ZNF521: variants seen among roughly 807,000 people sequenced by gnomAD.
The protein encoded by ZNF521 is zinc finger protein 521, also known as LYST-interacting protein 3.
A neutral mutation model predicts 105.5 loss-of-function variants in ZNF521; 14 were observed. The observed-to-expected ratio is 0.13, with a 90% CI of 0.09 to 0.21. The LOEUF (loss-of-function observed/expected upper bound fraction) is 0.21, where lower values mean the gene tolerates loss of function less well. Among genes scored for constraint, ZNF521 ranks in the 10% least tolerant of loss-of-function variants. The pLI is 1.00. For missense variants in ZNF521, 1,233 were observed against 1,629.7 expected (o/e 0.76, Z 4.19); for synonymous variants, 635 against 606.0 (o/e 1.05, Z -0.70).
chr18:25,286,264 C>G (rs1910701945), intron 3 of ZNF521, among the ~76,000 whole-genome samples: 1 of 152,182 alleles, frequency 6.6e-6, no homozygotes, highest in Non-Finnish European at 1.5e-5. Context: ...AAAACATTTT[C>G]AGCAGAAGAG....
chr18:25,118,615 C>T (rs1005944552), intron 5 of ZNF521, among the ~76,000 whole-genome samples: 26 of 151,764 alleles, frequency 1.7e-4, no homozygotes, highest in African/African-American at 6.0e-4. Flanking sequence ...ATCCCTACAA[C>T]AACCACTAAA....
At chr18:25,162,689 T>C (rs1400872875) in intron 5 of ZNF521, among the ~76,000 whole-genome samples, 2 of 152,222 alleles carry the variant, frequency 1.3e-5, no homozygotes, top group Non-Finnish European at 2.9e-5. Flanking sequence ...ACAAAATTCA[T>C]ATCCAACTCA....
At chr18:25,163,300 C>T (rs1319008287) in intron 5 of ZNF521, among the ~76,000 whole-genome samples, 1 of 152,168 alleles carries the variant, frequency 6.6e-6, no homozygotes, top group African/African-American at 2.4e-5. Flanking sequence ...GCTATCTCAA[C>T]CACACAGATA....
At chr18:25,135,472 A>C (rs555315956) in intron 5 of ZNF521, among the ~76,000 whole-genome samples, 1 of 152,074 alleles carries the variant, frequency 6.6e-6, no homozygotes, top group Non-Finnish European at 1.5e-5. Flanking sequence ...GGTTTGCTAC[A>C]CAAGCCACAG....
At chr18:25,307,994 G>C (rs1020173030) in intron 3 of ZNF521, among the ~76,000 whole-genome samples, 1 of 151,968 alleles carries the variant, frequency 6.6e-6, no homozygotes, top group African/African-American at 2.4e-5. Context: ...CTGAGGTCAA[G>C]AGTTCAAGAC....
At chr18:25,282,020 C>T (rs568804320) in intron 3 of ZNF521, among the ~76,000 whole-genome samples, 1 of 152,080 alleles carries the variant, frequency 6.6e-6, no homozygotes, top group East Asian at 1.9e-4. Flanking sequence ...CTTGAAAATA[C>T]TCTTTGCACC....
intron 3 of ZNF521, among the ~76,000 whole-genome samples, chr18:25,241,349 T>C (rs1015415487): frequency 3.3e-5 from 5 of 152,202 alleles, no homozygotes; most frequent in Non-Finnish European, 5.9e-5. Flanking sequence ...TTGAAAACTG[T>C]AGGCAGGAGA....
At chr18:25,123,162 T>C (rs4408614) in intron 5 of ZNF521, among the ~76,000 whole-genome samples, 39,837 of 151,420 alleles carry the variant, frequency 0.26, 6,371 homozygotes, top group Non-Finnish European at 0.35. Context: ...CATTTGTAAG[T>C]ACAGATAATT....
intron 5 of ZNF521, among the ~76,000 whole-genome samples, 165 bp downstream of exon 5, chr18:25,194,995 G>A (rs554465907): frequency 6.6e-6 from 1 of 151,380 alleles, no homozygotes; most frequent in Non-Finnish European, 1.5e-5. Flanking sequence ...AATAAAATGT[G>A]CTAACACCTT....
chr18:25,167,401 C>T (rs761428850), intron 5 of ZNF521, among the ~76,000 whole-genome samples: 1 of 152,126 alleles, frequency 6.6e-6, no homozygotes, highest in African/African-American at 2.4e-5. Flanking sequence ...AGGTAAAATA[C>T]TCCAAAATGA....
At chr18:25,133,682 C>T (rs2034680560) in intron 5 of ZNF521, among the ~76,000 whole-genome samples, 1 of 152,136 alleles carries the variant, frequency 6.6e-6, no homozygotes, top group East Asian at 1.9e-4. Flanking sequence ...CCTCCTGTTA[C>T]CAAATCAACT....
chr18:25,192,510 A>G (rs73407169), intron 5 of ZNF521, among the ~76,000 whole-genome samples: 9,529 of 152,224 alleles, frequency 0.063, 720 homozygotes, highest in African/African-American at 0.18. Context: ...TCATTGGGTC[A>G]TCTGTAGATC....
chr18:25,189,827 G>T (rs762408481), intron 5 of ZNF521, among the ~76,000 whole-genome samples: 14 of 152,212 alleles, frequency 9.2e-5, no homozygotes, highest in Non-Finnish European at 1.5e-4. Flanking sequence ...CATTTGAAAT[G>T]CTTTGGTGTT....
At chr18:25,081,303 A>T (rs577858496) in intron 7 of ZNF521, among the ~76,000 whole-genome samples, 1 of 152,326 alleles carries the variant, frequency 6.6e-6, no homozygotes, top group African/African-American at 2.4e-5. Context: ...CTGTTGGAGG[A>T]GGGAGCGAGT....
At chr18:25,331,655 A>T (rs1913573417) in intron 2 of ZNF521, among the ~76,000 whole-genome samples, 1 of 152,222 alleles carries the variant, frequency 6.6e-6, no homozygotes, top group African/African-American at 2.4e-5. Flanking sequence ...CATTTTAGAC[A>T]GTGCCAGTCA....
chr18:25,113,765 C>G (rs72887714), intron 5 of ZNF521, among the ~76,000 whole-genome samples: 24 of 74,902 alleles, frequency 3.2e-4, no homozygotes, highest in South Asian at 6.0e-4. Context: ...CGGACGGACA[C>G]ACACACACAC....
At chr18:25,271,071 C>G (rs955584823) in intron 3 of ZNF521, among the ~76,000 whole-genome samples, 1 of 152,022 alleles carries the variant, frequency 6.6e-6, no homozygotes, top group Non-Finnish European at 1.5e-5. Flanking sequence ...GCAACTTCAG[C>G]AGTCTCAGGA....
intron 5 of ZNF521, among the ~76,000 whole-genome samples, chr18:25,117,656 G>A (rs545231580): frequency 1.3e-5 from 2 of 151,814 alleles, no homozygotes; most frequent in African/African-American, 4.8e-5. Context: ...TCCCTGTATG[G>A]GCTTAACACC....
rs770148920 is a variant in ZNF521 at position 25,226,285 on chromosome 18, C to G, written c.1633G>C (p.Gly545Arg). ...VHCDLSGSRF[G>R]SPVLGTPKEP... is the part of the protein sequence containing the mutation. Reference sequence around the variant, plus strand: ...TTGGGAGTCCCAAGCACTGGAGACCCAAATCGGGAGCCACTGAGGTCACAA... The same window carrying G: ...TTGGGAGTCCCAAGCACTGGAGACCGAAATCGGGAGCCACTGAGGTCACAA... The change falls in exon 4 of 8, where the codon GGG becomes CGG. Residue 545 changes from glycine (G) to arginine (R), a missense_variant. By Grantham distance (125) the Gly-to-Arg change is moderately radical (BLOSUM62 -2). Transcript: ENST00000361524. This position sits in a 1 kb window ranked among gnomAD's most constrained non-coding sequence, Gnocchi z 4.1. 6.2e-6 allele frequency: 10 copies of G among 1,614,160 alleles called. No individual in the cohort carries two copies. Among genetic ancestry groups the G allele is most frequent in the Non-Finnish European group, 6.8e-6 (8 of 1,180,018 alleles).
Sources: gnomAD v4.1 joint callset for allele counts (sites outside exome capture counted in the v4.1 genomes callset) on GRCh38, gnomAD v4.1.1 for gene constraint, Gnocchi (gnomAD v3.1) non-coding constraint, MANE v1.5 for transcripts, NCBI Gene and HGNC (gene_info 2026-07-23, HGNC 2026-07-21) for gene names.